PCDHGA9: variants seen among roughly 807,000 people sequenced by gnomAD.
PCDHGA9 encodes protocadherin gamma-A9.
In PCDHGA9, 37 loss-of-function variants were observed where a neutral mutation model predicts 62.5. The observed-to-expected ratio is 0.59, with a 90% CI of 0.46 to 0.78. The LOEUF is 0.78. Among genes scored for constraint, PCDHGA9 ranks in the 30% least tolerant of loss-of-function variants. The pLI, the probability that PCDHGA9 is intolerant of heterozygous loss-of-function variation, is 0.00. For synonymous variants in PCDHGA9, 459 were observed against 484.6 expected, an observed-to-expected ratio of 0.95 and a Z score of 0.69; for missense variants, 1,138 against 1,166.2, an observed-to-expected ratio of 0.98 and a Z score of 0.35.
Position 141,405,351 on chromosome 5 carries a change from C to G in PCDHGA9, c.2399C>G (p.Pro800Arg). ...PLCVSVDSKF[P>R]IEDTPLVPQA... The stretch of plus-strand genomic sequence containing the variant: ...TGCGTCTCTGTTGATTCCAAGTTTC[C>G]TATAGAAGACACCCCTTTGGTTCCG... The change falls in exon 1 of 4, where the codon CCT (proline) becomes CGT (arginine). Residue 800 changes from proline (P) to arginine (R), a missense_variant. Transcript: ENST00000573521. 1 of 1,614,080 alleles carries G rather than the reference C, an allele frequency of 6.2e-7. No homozygotes were observed. Among genetic ancestry groups the G allele is most frequent in the Non-Finnish European group, 8.5e-7 (1 of 1,179,962 alleles).
Position 141,404,564 on chromosome 5 carries a change from G to A in PCDHGA9, c.1612G>A (p.Gly538Arg). Residue 538 changes from glycine to arginine, a missense_variant, in exon 1 of 4, where the codon GGA (glycine) becomes AGA (arginine). Gly to Arg is a moderately radical substitution (Grantham distance 125, BLOSUM62 -2). Coordinates refer to ENST00000573521, the MANE Select transcript of PCDHGA9 (RefSeq NM_018921.3). ...LQMQVTASDS[G>R]SPPLSSNVSL... ...AATGCAGGTGACGGCAAGTGACAGTGGAAGCCCACCACTTAGCAGCAATGT... is the reference window on the plus strand; with the variant it reads ...AATGCAGGTGACGGCAAGTGACAGTAGAAGCCCACCACTTAGCAGCAATGT... 6.2e-7 allele frequency: 1 copy of A among 1,613,890 alleles called. No individual in the cohort carries two copies.
chr5:141,428,181 A>G, intron 1 of PCDHGA9: 2 of 1,486,230 alleles, frequency 1.3e-6, no homozygotes, highest in Non-Finnish European at 1.8e-6. Flanking sequence ...GACGGAGGAC[A>G]GCCGCCGCTC....
rs138031063 is a variant in PCDHGA9 at position 141,447,985 on chromosome 5, C to T, written c.2424+42609C>T. Among the ~76,000 whole-genome samples the T allele has an allele frequency of 3.9e-3, 591 of 152,010 alleles. 6 individuals are homozygous for T. The highest frequency in any genetic ancestry group is 0.011 in the Admixed American group (170 of 15,260). On this transcript the variant is annotated intron_variant, in intron 1 of 3. Transcript: ENST00000573521. ...CCTATAATCCCAGCTACTCGGGAGG[C>T]TGAGGCATGAGAATCGCTTGAACCC...
Position 141,404,586 on chromosome 5 carries a change from A to G in PCDHGA9, c.1634A>G (p.Asn545Ser). The G allele has an allele frequency of 6.2e-7, 1 of 1,614,008 alleles. No individual in the cohort carries two copies. Among genetic ancestry groups the G allele is most frequent in the Non-Finnish European group, 8.5e-7 (1 of 1,179,868 alleles). ...AGTGGAAGCCCACCACTTAGCAGCA[A>G]TGTGTCATTGAGACTGTTTGTTTTG... is the stretch of plus-strand genomic sequence containing the variant. ...SDSGSPPLSS[N>S]VSLRLFVLDQ... The change falls in exon 1 of 4, where the codon AAT becomes AGT. Residue 545 changes from asparagine to serine, a missense_variant. Coordinates refer to ENST00000573521, the MANE Select transcript of PCDHGA9 (RefSeq NM_018921.3).
In PCDHGA9 at chr5:141,493,468, T is replaced by C. The variant is rs960204561; in HGVS notation, c.2425-1339T>C. On this transcript the variant is annotated intron_variant, in intron 1 of 3. Transcript: ENST00000573521. The surrounding 1 kb of genome is among the most constrained non-coding windows in gnomAD (Gnocchi z 4.3). ...TGGGGTTCCTTCCCTTTTAGGACCT[T>C]ACATGTGGGGAAAGTCTTCTGTGGC... Among the ~76,000 whole-genome samples the C allele has an allele frequency of 4.6e-5, 7 of 152,144 alleles. No individual in the cohort carries two copies. Among genetic ancestry groups the C allele is most frequent in the African/African-American group, 1.4e-4 (6 of 41,426 alleles).
At chr5:141,415,259 T>C (rs778452630) in intron 1 of PCDHGA9, 1 of 1,614,108 alleles carries the variant, frequency 6.2e-7, no homozygotes, top group Non-Finnish European at 8.5e-7. Flanking sequence ...GACCTCACTC[T>C]GTACCTGGTG....
At position 141,431,392 on chromosome 5, in the gene PCDHGA9, C is replaced by T. The variant is rs572129534; in HGVS notation, c.2424+26016C>T. 3 of 1,613,888 alleles carry T rather than the reference C, an allele frequency of 1.9e-6. No homozygotes were observed. Among genetic ancestry groups the T allele is most frequent in the Non-Finnish European group, 2.5e-6 (3 of 1,180,048 alleles). On this transcript the variant is annotated intron_variant, in intron 1 of 3. Transcript: ENST00000573521. The surrounding 1 kb of genome is among the most constrained non-coding windows in gnomAD (Gnocchi z 4.8). ...AAGAAAAGGCTGCTCACCACCTGGT[C>T]CTTACGGCCTCCGACGGGGGCGACC... is the stretch of plus-strand genomic sequence containing the variant.
chr5:141,414,822 C>G, intron 1 of PCDHGA9: 3 of 1,614,240 alleles, frequency 1.9e-6, no homozygotes, highest in Non-Finnish European at 2.5e-6. Flanking sequence ...TCAGCAGCAA[C>G]GTGTCGTTGA....
rs1441332710 is a variant in PCDHGA9, at chr5:141,403,574, C to A, written c.622C>A (p.His208Asn). Residue 208 changes from histidine to asparagine, a missense_variant, in exon 1 of 4, where the codon CAC becomes AAC. Coordinates refer to ENST00000573521, the MANE Select transcript of PCDHGA9 (RefSeq NM_018921.3). ...CCTGGACAGGGAGGAGGCAACTGCC[C>A]ACCACCTGGTCCTCACGGCCTCGGA... ...RALDREEATA[H>N]HLVLTASDGG... The A allele has an allele frequency of 6.2e-7, 1 of 1,613,960 alleles. No homozygotes were observed. Among genetic ancestry groups the A allele is most frequent in the Admixed American group, 1.7e-5 (1 of 60,034 alleles).
intron 1 of PCDHGA9, among the ~76,000 whole-genome samples, chr5:141,446,698 G>C (rs750413432): frequency 1.3e-5 from 2 of 152,070 alleles, no homozygotes; most frequent in African/African-American, 4.8e-5. Flanking sequence ...GGCTGGTCTC[G>C]AACTCTGATC....
At chr5:141,473,002 GAA>G (rs2099311273) in intron 1 of PCDHGA9, among the ~76,000 whole-genome samples, 1 of 143,872 alleles carries the variant, frequency 7.0e-6, no homozygotes, top group East Asian at 2.0e-4. Flanking sequence ...AAAAAAGAAA[GAA>G]AAAGAAAAAG....
chr5:141,481,794 A>G (rs1433830305), intron 1 of PCDHGA9, among the ~76,000 whole-genome samples: 1 of 152,136 alleles, frequency 6.6e-6, no homozygotes, highest in Non-Finnish European at 1.5e-5. Context: ...TCTACTAAAA[A>G]TACAAAAATT....
chr5:141,418,869 T>A (rs1261615662), intron 1 of PCDHGA9: 1 of 1,613,830 alleles, frequency 6.2e-7, no homozygotes, highest in Non-Finnish European at 8.5e-7. Flanking sequence ...ATTGTAGAAG[T>A]TGTAGACGAA....
chr5:141,432,079 G>A lies in PCDHGA9; in HGVS notation c.2424+26703G>A, dbSNP rs138510025. On this transcript the variant is annotated intron_variant, in intron 1 of 3. Transcript: ENST00000573521. The surrounding 1 kb of genome is among the most constrained non-coding windows in gnomAD (Gnocchi z 6.0). ...TATCCACGGAAACTCATATCTCGCT[G>A]AACGTGGCAGACACCAACGACAACC... 1.6e-4 allele frequency: 252 copies of A among 1,614,054 alleles called. No homozygotes were observed. The highest frequency in any genetic ancestry group is 8.1e-5 in the Non-Finnish European group (96 of 1,180,048).
Position 141,489,088 on chromosome 5 carries a change from G to GCCA in PCDHGA9, c.2425-5719_2425-5718insCCA. ...CCCCTGCCCACCCCCGCCACTCGGTGACTAAGAACTGCTGCAAGCAGGCAA... is the reference window on the plus strand; with the variant it reads ...CCCCTGCCCACCCCCGCCACTCGGTGCCAACTAAGAACTGCTGCAAGCAGGCAA... On this transcript the variant is annotated intron_variant, in intron 1 of 3. Coordinates refer to ENST00000573521, the MANE Select transcript of PCDHGA9 (RefSeq NM_018921.3). This position sits in a 1 kb window ranked among gnomAD's most constrained non-coding sequence, Gnocchi z 4.5. The GCCA allele has an allele frequency of 2.9e-6, 1 of 347,238 alleles. No individual in the cohort carries two copies. 21.5% of individuals were successfully genotyped at this position (347,238 alleles called of 1,614,324 possible). A position where few individuals can be genotyped will look rare whatever the true frequency, so the allele number is the denominator to read the frequency against.
intron 1 of PCDHGA9, chr5:141,408,083 C>A: frequency 7.1e-7 from 1 of 1,414,576 alleles, no homozygotes; most frequent in Non-Finnish European, 9.3e-7. Flanking sequence ...CCCAGCACAG[C>A]GGATTGCCAG....
chr5:141,448,338 T>A (rs1053822287), intron 1 of PCDHGA9, among the ~76,000 whole-genome samples: 1 of 152,192 alleles, frequency 6.6e-6, no homozygotes, highest in African/African-American at 2.4e-5. Context: ...TATAGCCATG[T>A]ACCTCAATCT....
Position 141,490,809 on chromosome 5 carries a change from C to T in PCDHGA9, c.2425-3998C>T. On this transcript the variant is annotated intron_variant, in intron 1 of 3. Transcript: ENST00000573521. The surrounding 1 kb of genome is among the most constrained non-coding windows in gnomAD (Gnocchi z 5.4). Reference sequence around the variant, plus strand: ...GGATCTTTGCCCAGCGTACCTTTGACTATGAATTGCTGCAGATGCTGCAGA... The same window carrying T: ...GGATCTTTGCCCAGCGTACCTTTGATTATGAATTGCTGCAGATGCTGCAGA... 2 of 1,613,954 alleles carry T rather than the reference C, an allele frequency of 1.2e-6. No individual in the cohort carries two copies. Among genetic ancestry groups the T allele is most frequent in the South Asian group, 2.2e-5 (2 of 91,076 alleles).
chr5:141,476,551 C>A lies in PCDHGA9; in HGVS notation c.2425-18256C>A, dbSNP rs367700651. 6.2e-7 allele frequency: 1 copy of A among 1,614,196 alleles called. No individual in the cohort carries two copies. The highest frequency in any genetic ancestry group is 1.7e-5 in the Admixed American group (1 of 60,028). ...CCCAGGAAATGAAATTGGAGATTAG[C>A]GAGGCCGTGGCTCCGGGGACGCGCT... On this transcript the variant is annotated intron_variant, in intron 1 of 3. Transcript: ENST00000573521. This position sits in a 1 kb window ranked among gnomAD's most constrained non-coding sequence, Gnocchi z 7.6.
Sources: allele counts gnomAD v4.1 joint callset (sites outside exome capture counted in the v4.1 genomes callset), GRCh38; gene constraint gnomAD v4.1.1; non-coding constraint Gnocchi (gnomAD v3.1); transcripts MANE v1.5; gene names NCBI Gene and HGNC (gene_info 2026-07-23, HGNC 2026-07-21).